The following PARD3B variants were observed in gnomAD, a reference collection of about 807,000 sequenced individuals.
PARD3B encodes the protein partitioning defective 3 homolog B.
PARD3B carries 103 observed loss-of-function variants against 130.2 expected under a neutral mutation model. That is an observed-to-expected ratio of 0.79 (90% CI 0.67 to 0.93). The LOEUF is 0.93. Ranked by LOEUF, PARD3B falls within the 40% of genes least tolerant of loss-of-function variation. The probability of loss-of-function intolerance (pLI) is 0.00; values close to 1 mark genes in which losing one functional copy is unlikely to be tolerated. For synonymous variants in PARD3B, 583 were observed against 553.2 expected, an observed-to-expected ratio of 1.05 and a Z score of -0.76; for missense variants, 1,609 against 1,499.2, an observed-to-expected ratio of 1.07 and a Z score of -1.21.
At chr2:204,553,879 G>A (rs2030724840) in intron 1 of PARD3B, among the ~76,000 whole-genome samples, 1 of 150,694 alleles carries the variant, frequency 6.6e-6, no homozygotes, top group Admixed American at 6.6e-5. Flanking sequence ...AGGACTTCAG[G>A]GACTCAGGGA....
chr2:205,256,986 C>G (rs981421579), intron 16 of PARD3B, among the ~76,000 whole-genome samples: 1 of 151,896 alleles, frequency 6.6e-6, no homozygotes, highest in Non-Finnish European at 1.5e-5. Context: ...TTTTGGTATC[C>G]TAGAGGGCAA....
chr2:205,251,434 T>C (rs2039844655), intron 16 of PARD3B, among the ~76,000 whole-genome samples: 1 of 152,198 alleles, frequency 6.6e-6, no homozygotes, highest in South Asian at 2.1e-4. Context: ...CCTTACATTT[T>C]GTTCTAAATG....
intron 19 of PARD3B, among the ~76,000 whole-genome samples, chr2:205,410,050 A>G (rs1452273870): frequency 6.6e-6 from 1 of 152,226 alleles, no homozygotes; most frequent in Non-Finnish European, 1.5e-5. Flanking sequence ...CCTCAGAGAT[A>G]CAGGTTGAAT....
chr2:205,331,814 G>A (rs1256097747), intron 18 of PARD3B, among the ~76,000 whole-genome samples: 2 of 106,480 alleles, frequency 1.9e-5, no homozygotes, highest in African/African-American at 4.4e-5. Flanking sequence ...AAGAAGTAGA[G>A]CATTTATATT....
At chr2:204,552,287 C>T (rs980994878) in intron 1 of PARD3B, among the ~76,000 whole-genome samples, 6 of 152,150 alleles carry the variant, frequency 3.9e-5, no homozygotes, top group African/African-American at 1.2e-4. Context: ...AAATGCTCCA[C>T]CTAGACACTA....
chr2:204,642,322 CTG>C lies in PARD3B; in HGVS notation c.121-43856_121-43855del, dbSNP rs571820268. Reference sequence around the variant, plus strand: ...TAGAGTATCAGCAGAGCAGGCGACACTGTGCTTGGGTAGGCTTTTACCATGCT... The same window carrying C: ...TAGAGTATCAGCAGAGCAGGCGACACTGCTTGGGTAGGCTTTTACCATGCT... On this transcript the variant is annotated intron_variant, in intron 1 of 22. Transcript: ENST00000406610. Among the ~76,000 whole-genome samples the C allele has an allele frequency of 1.2e-4, 19 of 152,302 alleles. 1 individual carries two copies. In the South Asian group the frequency reaches 3.9e-3, roughly 32 times the overall value.
At chr2:205,115,541 T>C (rs1703961878) in intron 6 of PARD3B, among the ~76,000 whole-genome samples, 1 of 152,206 alleles carries the variant, frequency 6.6e-6, no homozygotes, top group Non-Finnish European at 1.5e-5. Context: ...GGTTAACTGT[T>C]CAGTAACTTG....
intron 2 of PARD3B, among the ~76,000 whole-genome samples, chr2:204,748,909 A>G (rs572289004): frequency 1.3e-5 from 2 of 152,290 alleles, no homozygotes; most frequent in East Asian, 3.9e-4. Context: ...AGTAAATCTG[A>G]TAGAATTTCA....
At chr2:205,046,378 C>T (rs1698781626) in intron 3 of PARD3B, among the ~76,000 whole-genome samples, 1 of 150,892 alleles carries the variant, frequency 6.6e-6, no homozygotes. Context: ...AGTGATGTCT[C>T]TTAATAAAAA....
At chr2:204,830,554 T>G (rs774109558) in intron 2 of PARD3B, among the ~76,000 whole-genome samples, 1 of 152,202 alleles carries the variant, frequency 6.6e-6, no homozygotes, top group South Asian at 2.1e-4. Flanking sequence ...GTATATTTTC[T>G]AAGAAACTAT....
At chr2:205,416,052 G>C (rs988194228) in intron 19 of PARD3B, among the ~76,000 whole-genome samples, 4 of 151,702 alleles carry the variant, frequency 2.6e-5, no homozygotes, top group Non-Finnish European at 5.9e-5. Flanking sequence ...TTTTTCATTT[G>C]AAGGAATATG....
intron 2 of PARD3B, among the ~76,000 whole-genome samples, chr2:204,704,776 A>G (rs2038057304): frequency 6.6e-6 from 1 of 152,104 alleles, no homozygotes; most frequent in Non-Finnish European, 1.5e-5. Context: ...ACTCTTATAT[A>G]TTGAGAATAT....
chr2:204,965,664 G>A (rs543664019), intron 3 of PARD3B, among the ~76,000 whole-genome samples: 1 of 152,200 alleles, frequency 6.6e-6, no homozygotes, highest in South Asian at 2.1e-4. Context: ...GTTTATCAAA[G>A]AATCCATGCT....
Position 205,232,485 on chromosome 2 carries a change from T to C in PARD3B, c.2141-13293T>C, listed in dbSNP as rs111745861. On this transcript the variant is annotated intron_variant, in intron 15 of 22. Transcript: ENST00000406610. ...GTATTTAAAATTACAGGAATATATA[T>C]GACACAAAAAGGTAAAATTTCTAAT... is the stretch of plus-strand genomic sequence containing the variant. 7.8e-3 allele frequency among the ~76,000 whole-genome samples: 1,178 copies of C among 151,968 alleles called. 17 individuals carry two copies. The highest frequency in any genetic ancestry group is 0.014 in the Middle Eastern group (4 of 292).
At chr2:205,359,344 A>T (rs1164168148) in intron 18 of PARD3B, among the ~76,000 whole-genome samples, 1 of 152,174 alleles carries the variant, frequency 6.6e-6, no homozygotes, top group East Asian at 1.9e-4. Context: ...AATAACATGA[A>T]ATATATAAGG....
chr2:205,037,277 AATAT>A (rs375636792), intron 3 of PARD3B, among the ~76,000 whole-genome samples: 1 of 142,640 alleles, frequency 7.0e-6, no homozygotes, highest in Non-Finnish European at 1.5e-5. Context: ...ATTTGTATAA[AATAT>A]ATATATATAG....
At chr2:205,096,087 C>G (rs1344258396) in intron 4 of PARD3B, among the ~76,000 whole-genome samples, 1 of 152,104 alleles carries the variant, frequency 6.6e-6, no homozygotes, top group Non-Finnish European at 1.5e-5. Context: ...GAGAGTGCTT[C>G]TCAAGGGAAG....
At position 204,897,876 on chromosome 2, in the gene PARD3B, T is replaced by TAA. The variant is rs111448626; in HGVS notation, c.223-67264_223-67263dup. On this transcript the variant is annotated intron_variant, in intron 2 of 22. Coordinates refer to ENST00000406610, the MANE Select transcript of PARD3B (RefSeq NM_001302769.2). ...AAAGACTATTAATAAACCTTTAAAGTAAAAAAAAAAAAACCCTAAAATACC... is the reference window on the plus strand; with the variant it reads ...AAAGACTATTAATAAACCTTTAAAGTAAAAAAAAAAAAAAACCCTAAAATACC... Among the ~76,000 whole-genome samples the TAA allele has an allele frequency of 7.4e-4, 101 of 135,886 alleles. 1 individual carries two copies. Among genetic ancestry groups the TAA allele is most frequent in the African/African-American group, 2.0e-3 (77 of 37,588 alleles). 89.1% of individuals were successfully genotyped at this position (135,886 alleles called of 152,430 possible). A position where few individuals can be genotyped will look rare whatever the true frequency, so the allele number is the denominator to read the frequency against.
chr2:205,497,848 T>C (rs1559148977), intron 20 of PARD3B, among the ~76,000 whole-genome samples: 2 of 152,262 alleles, frequency 1.3e-5, no homozygotes, highest in East Asian at 3.9e-4. Flanking sequence ...TTGTAAGTGA[T>C]ATGCTTCTGT....
Sources: gnomAD v4.1 joint callset for allele counts (sites outside exome capture counted in the v4.1 genomes callset) on GRCh38, gnomAD v4.1.1 for gene constraint, MANE v1.5 for transcripts, NCBI Gene and HGNC (gene_info 2026-07-23, HGNC 2026-07-21) for gene names.